ZEB1: variants seen among roughly 807,000 people sequenced by gnomAD.
The protein encoded by ZEB1 is zinc finger E-box-binding homeobox 1.
A neutral mutation model predicts 84.9 loss-of-function variants in ZEB1; 21 were observed. That is an observed-to-expected ratio of 0.25 (90% CI 0.18 to 0.36). The LOEUF (loss-of-function observed/expected upper bound fraction) is 0.36. ZEB1 is among the 10% of genes least tolerant of loss of function. The pLI, the probability that ZEB1 is intolerant of heterozygous loss-of-function variation, is 1.00. For missense variants in ZEB1, 1,104 were observed against 1,330.2 expected (o/e 0.83, Z 2.65); for synonymous variants, 420 against 471.1 (o/e 0.89, Z 1.41).
At chr10:31,390,719 A>G (rs190676760) in intron 1 of ZEB1, among the ~76,000 whole-genome samples, 102 of 152,270 alleles carry the variant, frequency 6.7e-4, no homozygotes, top group African/African-American at 2.2e-3. Flanking sequence ...ATACAAGGCT[A>G]CTGAATGCAG....
chr10:31,483,948 A>G (rs1434167932), intron 2 of ZEB1, among the ~76,000 whole-genome samples: 2 of 151,986 alleles, frequency 1.3e-5, no homozygotes, highest in African/African-American at 4.8e-5. Flanking sequence ...TCTTCCTCAG[A>G]TGGTGGCATA....
rs1024528527 is a variant in ZEB1, at chr10:31,363,891, G to A, written c.58+44599G>A. The A allele has an allele frequency of 1.9e-4, 247 of 1,311,240 alleles. 1 individual carries two copies. Among genetic ancestry groups the A allele is most frequent in the Admixed American group, 5.9e-5 (2 of 33,988 alleles). The allele number at this position is 1,311,240 out of a possible 1,614,324, so 81.2% of individuals were successfully genotyped here. On this transcript the variant is annotated intron_variant, in intron 1 of 8. Coordinates refer to ENST00000424869, the MANE Select transcript of ZEB1 (RefSeq NM_001174096.2). ...GTCGCTGACGGTTGAAGAGGAGTGG[G>A]AAACGGCCCACAATTCCCCGGGCAG... is the stretch of plus-strand genomic sequence containing the variant.
chr10:31,443,918 G>A (rs972823055), intron 1 of ZEB1, among the ~76,000 whole-genome samples: 2 of 150,462 alleles, frequency 1.3e-5, no homozygotes, highest in African/African-American at 4.9e-5. Context: ...AGTCCTTTGG[G>A]TATATACCCA....
rs562558069 is a variant in ZEB1, at chr10:31,391,522, G to A, written c.59-69515G>A. On this transcript the variant is annotated intron_variant, in intron 1 of 8. Coordinates refer to ENST00000424869, the MANE Select transcript of ZEB1 (RefSeq NM_001174096.2). ...CTAGAAATATCCTGGGTTTATGTAAGAATCTGATTTTGCCTAACCTCTAAT... is the reference window on the plus strand; with the variant it reads ...CTAGAAATATCCTGGGTTTATGTAAAAATCTGATTTTGCCTAACCTCTAAT... Among the ~76,000 whole-genome samples the A allele has an allele frequency of 1.4e-4, 21 of 152,160 alleles. No individual in the cohort carries two copies. The South Asian group carries it at 3.1e-3, about 23-fold the overall frequency.
At chr10:31,430,073 A>G (rs1364942149) in intron 1 of ZEB1, among the ~76,000 whole-genome samples, 1 of 152,190 alleles carries the variant, frequency 6.6e-6, no homozygotes, top group Non-Finnish European at 1.5e-5. Flanking sequence ...GGAAGGATTG[A>G]TATAAGATTC....
rs995920495 is a variant in ZEB1, at chr10:31,468,498, C to T, written c.259+7261C>T. Among the ~76,000 whole-genome samples the T allele has an allele frequency of 1.3e-5, 2 of 152,154 alleles. 1 individual carries two copies. The highest frequency in any genetic ancestry group is 4.1e-4 in the South Asian group (2 of 4,828). ...GTGAACTGCACAACCCAATATAATT[C>T]CTGCTGACAAGTACACAGCTCTAAG... On this transcript the variant is annotated intron_variant, in intron 2 of 8. Coordinates refer to ENST00000424869, the MANE Select transcript of ZEB1 (RefSeq NM_001174096.2).
chr10:31,460,982 A>G, intron 1 of ZEB1, 55 bp from the exon 2 acceptor site: 1 of 1,419,304 alleles, frequency 7.0e-7, no homozygotes, highest in Non-Finnish European at 9.9e-7. Flanking sequence ...TGAGATGTAA[A>G]AACTGATTGT....
chr10:31,348,034 CAT>C (rs1174094630), intron 1 of ZEB1, among the ~76,000 whole-genome samples: 1 of 152,182 alleles, frequency 6.6e-6, no homozygotes, highest in Non-Finnish European at 1.5e-5. Flanking sequence ...GGGTTAGTAA[CAT>C]AGGTTGTGTG....
chr10:31,489,279 T>A (rs1379007594), intron 2 of ZEB1, among the ~76,000 whole-genome samples: 1 of 151,414 alleles, frequency 6.6e-6, no homozygotes, highest in Admixed American at 6.6e-5. Flanking sequence ...ATTACTATAA[T>A]CACGCTAGCT....
intron 1 of ZEB1, among the ~76,000 whole-genome samples, chr10:31,441,131 G>A (rs1047250540): frequency 6.6e-6 from 1 of 152,110 alleles, no homozygotes; most frequent in Non-Finnish European, 1.5e-5. Context: ...AAAGCTGGAG[G>A]CATCACACTA....
chr10:31,336,451 T>C (rs542696532), intron 1 of ZEB1, among the ~76,000 whole-genome samples: 14 of 152,260 alleles, frequency 9.2e-5, no homozygotes, highest in African/African-American at 3.1e-4. Flanking sequence ...AGTAAAATGG[T>C]AACACTTTAT....
chr10:31,482,048 A>T (rs765345006), intron 2 of ZEB1, among the ~76,000 whole-genome samples: 1 of 152,100 alleles, frequency 6.6e-6, no homozygotes, highest in Non-Finnish European at 1.5e-5. Flanking sequence ...TTCCCAGAAG[A>T]TAATTAATAA....
chr10:31,486,071 C>A (rs1205260433), intron 2 of ZEB1, among the ~76,000 whole-genome samples: 1 of 149,990 alleles, frequency 6.7e-6, no homozygotes, highest in East Asian at 1.9e-4. Context: ...ATAGTTTGAT[C>A]CTTTTTATTA....
At chr10:31,386,278 A>G (rs2048624039) in intron 1 of ZEB1, among the ~76,000 whole-genome samples, 1 of 151,696 alleles carries the variant, frequency 6.6e-6, no homozygotes, top group South Asian at 2.1e-4. Flanking sequence ...GATTATAATG[A>G]TTTATTTATA....
chr10:31,383,454 C>T (rs193127914), intron 1 of ZEB1, among the ~76,000 whole-genome samples: 1 of 152,148 alleles, frequency 6.6e-6, no homozygotes, highest in Non-Finnish European at 1.5e-5. Flanking sequence ...GCCATGATTA[C>T]AAGTATGTAC....
rs543085129 is a variant in ZEB1 at position 31,442,539 on chromosome 10, C to T, written c.59-18498C>T. ...AAGTTGCACGTTGTGCACATGTACCCTAGAACTTAAAAGTATAATAATAAT... is the reference window on the plus strand; with the variant it reads ...AAGTTGCACGTTGTGCACATGTACCTTAGAACTTAAAAGTATAATAATAAT... On this transcript the variant is annotated intron_variant, in intron 1 of 8. Coordinates refer to ENST00000424869, the MANE Select transcript of ZEB1 (RefSeq NM_001174096.2). 2.0e-5 allele frequency among the ~76,000 whole-genome samples: 3 copies of T among 151,120 alleles called. No homozygotes were observed. In the East Asian group the frequency reaches 5.8e-4, roughly 29 times the overall value.
At chr10:31,439,366 C>T (rs1197627365) in intron 1 of ZEB1, among the ~76,000 whole-genome samples, 1 of 152,072 alleles carries the variant, frequency 6.6e-6, no homozygotes, top group Non-Finnish European at 1.5e-5. Flanking sequence ...ATCAACAGGT[C>T]GGCATTTTAA....
intron 2 of ZEB1, among the ~76,000 whole-genome samples, chr10:31,480,015 C>G (rs2064830763): frequency 6.6e-6 from 1 of 151,884 alleles, no homozygotes; most frequent in African/African-American, 2.4e-5. Flanking sequence ...TTAAGTATAA[C>G]TTTTGAAACA....
intron 2 of ZEB1, among the ~76,000 whole-genome samples, chr10:31,477,067 T>C: frequency 6.6e-6 from 1 of 151,938 alleles, no homozygotes; most frequent in Non-Finnish European, 1.5e-5. Flanking sequence ...ACAGAACAGT[T>C]GGGCAAGAGA....
Sources: gnomAD v4.1 joint callset for allele counts (sites outside exome capture counted in the v4.1 genomes callset) on GRCh38, gnomAD v4.1.1 for gene constraint, MANE v1.5 for transcripts, NCBI Gene and HGNC (gene_info 2026-07-23, HGNC 2026-07-21) for gene names.